ANKRD45: variants seen among roughly 807,000 people sequenced by gnomAD.
ANKRD45 encodes the protein ankyrin repeat domain 45, also known as ankyrin repeat domain-containing protein 45.
A neutral mutation model predicts 28.1 loss-of-function variants in ANKRD45; 21 were observed. The observed-to-expected ratio is 0.75, with a 90% confidence interval of 0.53 to 1.08. The LOEUF (loss-of-function observed/expected upper bound fraction) is 1.08, where lower values mean the gene tolerates loss of function less well. Ranked by LOEUF, ANKRD45 falls within the 50% of genes least tolerant of loss-of-function variation. The probability of loss-of-function intolerance (pLI) is 0.00; values close to 1 mark genes in which losing one functional copy is unlikely to be tolerated. For missense variants in ANKRD45, 261 were observed against 308.7 expected, an observed-to-expected ratio of 0.85 and a Z score of 1.16; for synonymous variants, 86 against 103.9, an observed-to-expected ratio of 0.83 and a Z score of 1.05.
intron 1 of ANKRD45, chr1:173,667,656 A>C (rs1340354852): frequency 2.6e-6 from 1 of 380,230 alleles, no homozygotes; most frequent in African/African-American, 2.2e-5. Context: ...CAGTGAGCTA[A>C]GATCACCCCA....
At chr1:173,635,433 A>C in intron 3 of ANKRD45, 3 of 958,590 alleles carry the variant, frequency 3.1e-6, no homozygotes, top group Non-Finnish European at 4.5e-6. Flanking sequence ...TTCGTAGGGA[A>C]TTTAGTTATT....
intron 3 of ANKRD45, among the ~76,000 whole-genome samples, chr1:173,632,764 A>C (rs1456753705): frequency 6.6e-6 from 1 of 152,122 alleles, no homozygotes; most frequent in Non-Finnish European, 1.5e-5. Context: ...AAGGACACAA[A>C]CCATATGATC....
At chr1:173,664,209 T>C (rs1422696589) in intron 1 of ANKRD45, among the ~76,000 whole-genome samples, 2 of 152,232 alleles carry the variant, frequency 1.3e-5, no homozygotes. Context: ...TGTCCCAATG[T>C]ATGCAGGACA....
chr1:173,692,694 G>T, the ANKRD45 span, among the ~76,000 whole-genome samples: 1 of 152,118 alleles, frequency 6.6e-6, no homozygotes, highest in Non-Finnish European at 1.5e-5. Flanking sequence ...ACTAAAACAT[G>T]AATAAAAAAT....
chr1:173,659,278 A>C lies in ANKRD45; in HGVS notation c.141T>G (p.Asp47Glu). The C allele has an allele frequency of 6.2e-7, 1 of 1,613,920 alleles. No individual in the cohort carries two copies. ...NPLLQPALTGDVEGLQKIFED... is the reference protein window; with the variant it reads ...NPLLQPALTGEVEGLQKIFED... ...CAAATATCTTCTGCAAACCCTCTAC[A>C]TCCCCTGTGAGAGCAGGTTGTAAAA... Residue 47 changes from aspartate to glutamate, a missense_variant, in exon 2 of 6, where the codon GAT (aspartate) becomes GAG (glutamate). Coordinates refer to ENST00000333279, the MANE Select transcript of ANKRD45 (RefSeq NM_198493.3).
intron 3 of ANKRD45, among the ~76,000 whole-genome samples, chr1:173,627,488 G>A (rs1667991122): frequency 6.6e-6 from 1 of 152,130 alleles, no homozygotes; most frequent in South Asian, 2.1e-4. Context: ...AGTGACTGTG[G>A]GACTTTGCAC....
chr1:173,707,219 C>T, the ANKRD45 span, among the ~76,000 whole-genome samples: 1 of 151,402 alleles, frequency 6.6e-6, no homozygotes, highest in South Asian at 2.1e-4. Flanking sequence ...ATGTGTTTTT[C>T]CTAATTGTCA....
chr1:173,683,372 C>T, the ANKRD45 span, among the ~76,000 whole-genome samples: 1 of 152,160 alleles, frequency 6.6e-6, no homozygotes, highest in Non-Finnish European at 1.5e-5. Flanking sequence ...TACCTATCTC[C>T]ATCATCATGG....
chr1:173,626,029 A>T (rs1349887351), intron 4 of ANKRD45, among the ~76,000 whole-genome samples: 1 of 152,086 alleles, frequency 6.6e-6, no homozygotes, highest in Non-Finnish European at 1.5e-5. Flanking sequence ...TGTCAGGAAA[A>T]TTTTGCTTTG....
chr1:173,620,372 A>G (rs944924247), intron 5 of ANKRD45, among the ~76,000 whole-genome samples: 1 of 152,248 alleles, frequency 6.6e-6, no homozygotes, highest in African/African-American at 2.4e-5. Flanking sequence ...TACTGAAATT[A>G]AGGCAGAAAT....
chr1:173,676,834 C>CAAAAAA, the ANKRD45 span, among the ~76,000 whole-genome samples: 1 of 98,800 alleles, frequency 1.0e-5, no homozygotes, highest in African/African-American at 3.4e-5. Context: ...GACTCCATCT[C>CAAAAAA]AAAAAAAAAA....
At chr1:173,706,795 T>C in the ANKRD45 span, among the ~76,000 whole-genome samples, 9 of 152,178 alleles carry the variant, frequency 5.9e-5, no homozygotes, top group Admixed American at 1.3e-4. Flanking sequence ...CTTATTTTAT[T>C]TTTGCAAGTG....
intron 2 of ANKRD45, among the ~76,000 whole-genome samples, chr1:173,655,562 C>T (rs562097701): frequency 2.0e-5 from 3 of 152,194 alleles, no homozygotes; most frequent in Non-Finnish European, 2.9e-5. Flanking sequence ...AGTTAGGCTA[C>T]ATGGGGATCA....
chr1:173,615,466 G>A (rs561270274), intron 5 of ANKRD45, among the ~76,000 whole-genome samples: 2 of 151,264 alleles, frequency 1.3e-5, no homozygotes, highest in Middle Eastern at 7.0e-3. Flanking sequence ...ACGATTTAAT[G>A]TGTCTTACAG....
chr1:173,701,046 C>T, the ANKRD45 span, among the ~76,000 whole-genome samples: 1 of 152,238 alleles, frequency 6.6e-6, no homozygotes, highest in African/African-American at 2.4e-5. Flanking sequence ...GACATTTCTG[C>T]AGCCAGCAGA....
At chr1:173,636,814 T>C in intron 3 of ANKRD45, 2 of 1,525,142 alleles carry the variant, frequency 1.3e-6, no homozygotes, top group Non-Finnish European at 1.8e-6. Flanking sequence ...CTGTATTGTT[T>C]TTCTCCTTTT....
At chr1:173,691,845 C>T in the ANKRD45 span, among the ~76,000 whole-genome samples, 55 of 152,286 alleles carry the variant, frequency 3.6e-4, no homozygotes, top group Admixed American at 8.5e-4. Context: ...CAATGGTGAG[C>T]GCACACTTGG....
At chr1:173,698,282 G>T in the ANKRD45 span, among the ~76,000 whole-genome samples, 3 of 152,066 alleles carry the variant, frequency 2.0e-5, no homozygotes, top group Admixed American at 6.6e-5. Flanking sequence ...TAGACACAAG[G>T]ATATCCAGGA....
At chr1:173,623,791 G>A (rs868699974) in intron 5 of ANKRD45, among the ~76,000 whole-genome samples, 17 of 152,080 alleles carry the variant, frequency 1.1e-4, no homozygotes, top group African/African-American at 3.4e-4. Flanking sequence ...AAAAAGGAAC[G>A]AGACCATGTC....
Sources: gnomAD v4.1 joint callset for allele counts (sites outside exome capture counted in the v4.1 genomes callset) on GRCh38, gnomAD v4.1.1 for gene constraint, MANE v1.5 for transcripts, NCBI Gene and HGNC (gene_info 2026-07-23, HGNC 2026-07-21) for gene names.